ATAD3A: variants seen among roughly 807,000 people sequenced by gnomAD.
The protein encoded by ATAD3A is ATPase family AAA domain-containing protein 3A.
ATAD3A carries 46 observed loss-of-function variants against 73.8 expected under a neutral mutation model. That is an observed-to-expected ratio of 0.62 (90% CI 0.49 to 0.80). The LOEUF (loss-of-function observed/expected upper bound fraction) is 0.80. Ranked by LOEUF, ATAD3A falls within the 30% of genes least tolerant of loss-of-function variation. The probability of loss-of-function intolerance (pLI) is 0.00; values close to 1 mark genes in which losing one functional copy is unlikely to be tolerated. For synonymous variants in ATAD3A, 319 were observed against 350.0 expected, an observed-to-expected ratio of 0.91 and a Z score of 0.99; for missense variants, 705 against 838.0, an observed-to-expected ratio of 0.84 and a Z score of 1.96.
At chr1:1,525,328 T>TC in intron 12 of ATAD3A, 37 bp downstream of exon 12, 1 of 1,599,726 alleles carries the variant, frequency 6.3e-7, no homozygotes, top group East Asian at 2.3e-5. Flanking sequence ...AATGGGGTGG[T>TC]GGGGTGGGCA....
rs577888309 is a variant in ATAD3A, at chr1:1,520,748, G to A, written c.750+131G>A. On this transcript the variant is annotated intron_variant, in intron 7 of 15. Coordinates refer to ENST00000378756, the MANE Select transcript of ATAD3A (RefSeq NM_001170535.3). The surrounding 1 kb of genome is among the most constrained non-coding windows in gnomAD (Gnocchi z 4.0). ...CTCTCCCAGCAGGGAGGAAGCCCAC[G>A]TTGTACCTGCTGGCCTCGGCTTCTC... 9.1e-6 allele frequency: 13 copies of A among 1,425,498 alleles called. No homozygotes were observed. Among genetic ancestry groups the A allele is most frequent in the East Asian group, 2.4e-5 (1 of 41,636 alleles). 88.3% of individuals were successfully genotyped at this position (1,425,498 alleles called of 1,614,324 possible).
intron 7 of ATAD3A, among the ~76,000 whole-genome samples, chr1:1,521,232 G>A (rs1213093904): frequency 7.0e-6 from 1 of 143,526 alleles, no homozygotes; most frequent in Non-Finnish European, 1.5e-5. Flanking sequence ...CCGGGAGGCG[G>A]AGCTTGCAGT....
Position 1,534,381 on chromosome 1 carries a change from G to T in ATAD3A, c.*309G>T, listed in dbSNP as rs1353720480. On this transcript the variant is annotated 3_prime_UTR_variant, in exon 16 of 16. Transcript: ENST00000378756. ...CACCCCAGCCCCTGCCCAGGCCACT[G>T]TGAGGGTGGGTGCTGGCTGAGCCCC... The T allele has an allele frequency of 3.0e-6, 4 of 1,355,066 alleles. No individual in the cohort carries two copies. The East Asian group carries it at 1.1e-4, about 37-fold the overall frequency. 83.9% of individuals were successfully genotyped at this position (1,355,066 alleles called of 1,614,324 possible).
chr1:1,526,886 T>C (rs1428646621), intron 13 of ATAD3A, among the ~76,000 whole-genome samples: 1 of 152,128 alleles, frequency 6.6e-6, no homozygotes, highest in Non-Finnish European at 1.5e-5. Flanking sequence ...GGAGGGTGTG[T>C]GTGCCCTGGG....
rs774297843 is a variant in ATAD3A, at chr1:1,530,841, A to C, written c.1614+1510A>C. Among the ~76,000 whole-genome samples, 257 of 141,714 alleles carry C rather than the reference A, an allele frequency of 1.8e-3. 11 individuals are homozygous for C. The highest frequency in any genetic ancestry group is 2.9e-3 in the Non-Finnish European group (193 of 67,198). The allele number at this position is 141,714 out of a possible 152,430, so 93.0% of individuals were successfully genotyped here. On this transcript the variant is annotated intron_variant, in intron 15 of 15. Coordinates refer to ENST00000378756, the MANE Select transcript of ATAD3A (RefSeq NM_001170535.3). ...GAGACTCCGTCTCAAAAAAAAAAAAAAAAAAAAAAAAAAACTAAGAATAAT... is the reference window on the plus strand; with the variant it reads ...GAGACTCCGTCTCAAAAAAAAAAAACAAAAAAAAAAAAAACTAAGAATAAT...
chr1:1,523,321 G>C lies in ATAD3A; in HGVS notation c.907-190G>C, dbSNP rs1160558940. ...GAAAATAAAAGCCAATAAGGAACCG[G>C]AAAATGCCCCTAATCCCAGCAATAG... On this transcript the variant is annotated intron_variant, in intron 8 of 15. Coordinates refer to ENST00000378756, the MANE Select transcript of ATAD3A (RefSeq NM_001170535.3). The surrounding 1 kb of genome is among the most constrained non-coding windows in gnomAD (Gnocchi z 5.1). 6.6e-6 allele frequency among the ~76,000 whole-genome samples: 1 copy of C among 152,182 alleles called. No homozygotes were observed. Among genetic ancestry groups the C allele is most frequent in the Non-Finnish European group, 1.5e-5 (1 of 68,026 alleles).
At chr1:1,522,638 G>A (rs1365743943) in intron 7 of ATAD3A, 106 bp from the exon 8 acceptor site, 1 of 1,561,388 alleles carries the variant, frequency 6.4e-7, no homozygotes, top group Non-Finnish European at 8.7e-7. Context: ...ACGGCCCTGT[G>A]CTTCTCCCTC....
rs1195307040 is a variant in ATAD3A, at chr1:1,520,067, G to A, written c.515-74G>A. ...TGGCGTGGGCCGGTCCGTGGCGTGG[G>A]CCGGTCCACAGTGTGGGTGGAGGTG... is the stretch of plus-strand genomic sequence containing the variant. On this transcript the variant is annotated intron_variant, in intron 5 of 15. Transcript: ENST00000378756. This position sits in a 1 kb window ranked among gnomAD's most constrained non-coding sequence, Gnocchi z 4.0. The A allele has an allele frequency of 2.7e-5, 42 of 1,550,780 alleles. No individual in the cohort carries two copies. The highest frequency in any genetic ancestry group is 3.4e-5 in the Non-Finnish European group (39 of 1,147,830).
At position 1,523,917 on chromosome 1, in the gene ATAD3A, A is replaced by G; in HGVS notation, c.1042A>G (p.Ile348Val). The G allele has an allele frequency of 1.2e-6, 2 of 1,614,046 alleles. No individual in the cohort carries two copies. Among genetic ancestry groups the G allele is most frequent in the Non-Finnish European group, 1.7e-6 (2 of 1,179,996 alleles). The change falls in exon 10 of 16, where the codon ATC becomes GTC. Residue 348 changes from isoleucine to valine, a missense_variant. By Grantham distance (29) the Ile-to-Val change is conservative. Coordinates refer to ENST00000378756, the MANE Select transcript of ATAD3A (RefSeq NM_001170535.3). This position sits in a 1 kb window ranked among gnomAD's most constrained non-coding sequence, Gnocchi z 5.1. The part of the protein sequence containing the change: ...TKKNRSLYRN[I>V]LMYGPPGTGK... ...GAAGAACCGCAGCCTGTACAGGAAC[A>G]TCCTGATGTACGGGCCACCAGGCAC...
chr1:1,514,492 A>C (rs1641292728), intron 1 of ATAD3A, among the ~76,000 whole-genome samples: 2 of 152,180 alleles, frequency 1.3e-5, no homozygotes, highest in Non-Finnish European at 2.9e-5. Context: ...TCCCGGTCTC[A>C]TCTGTGCTCT....
chr1:1,531,606 T>C (rs1049964869), intron 15 of ATAD3A, among the ~76,000 whole-genome samples: 1 of 148,418 alleles, frequency 6.7e-6, no homozygotes, highest in African/African-American at 2.5e-5. Flanking sequence ...ACCCCATCTC[T>C]AATAAAAAAT....
At chr1:1,525,751 A>T (rs1468527314) in intron 12 of ATAD3A, among the ~76,000 whole-genome samples, 4 of 152,138 alleles carry the variant, frequency 2.6e-5, no homozygotes, top group Admixed American at 2.0e-4. Flanking sequence ...TCTGTCGCCC[A>T]GGCTGGAGTG....
chr1:1,528,716 T>A (rs1270507222), intron 14 of ATAD3A, among the ~76,000 whole-genome samples: 2 of 152,238 alleles, frequency 1.3e-5, no homozygotes, highest in East Asian at 3.8e-4. Context: ...AGTCCTTCTG[T>A]GCACCTGACC....
At chr1:1,529,365 G>C in intron 15 of ATAD3A, 34 bp downstream of exon 15, 1 of 1,528,528 alleles carries the variant, frequency 6.5e-7, no homozygotes, top group Non-Finnish European at 8.8e-7. Flanking sequence ...ACCCAGACGG[G>C]ACCCCAGCTG....
At chr1:1,533,273 G>C (rs1227621907) in intron 15 of ATAD3A, among the ~76,000 whole-genome samples, 1 of 152,064 alleles carries the variant, frequency 6.6e-6, no homozygotes, top group Non-Finnish European at 1.5e-5. Flanking sequence ...CCCTGACCCT[G>C]ACCCACGGGT....
At position 1,525,339 on chromosome 1, in the gene ATAD3A, C is replaced by T. The variant is rs752765711; in HGVS notation, c.1266+48C>T. On this transcript the variant is annotated intron_variant, in intron 12 of 15. Coordinates refer to ENST00000378756, the MANE Select transcript of ATAD3A (RefSeq NM_001170535.3). Reference sequence around the variant, plus strand: ...CCACAATGGGGTGGTGGGGTGGGCACAGCCGTCTGCCTGGGCCAGGCTGCA... The same window carrying T: ...CCACAATGGGGTGGTGGGGTGGGCATAGCCGTCTGCCTGGGCCAGGCTGCA... 2.5e-6 allele frequency: 4 copies of T among 1,610,006 alleles called. No homozygotes were observed. The South Asian group carries it at 4.4e-5, about 18-fold the overall frequency.
chr1:1,534,284 CCTTCCTGCCCCT>C lies in ATAD3A; in HGVS notation c.*214_*225del, dbSNP rs1467170392. On this transcript the variant is annotated 3_prime_UTR_variant, in exon 16 of 16. Transcript: ENST00000378756. ...GCACTGGCTAGGGAGGGGCAGGCCT[CCTTCCTGCCCCT>C]CGAGACACTCTTGGGAGATGCATTT... The C allele has an allele frequency of 4.8e-6, 7 of 1,446,100 alleles. No homozygotes were observed. In the Admixed American group the frequency reaches 1.1e-4, roughly 23 times the overall value. 89.6% of individuals were successfully genotyped at this position (1,446,100 alleles called of 1,614,324 possible).
intron 4 of ATAD3A, among the ~76,000 whole-genome samples, chr1:1,518,610 C>A (rs191127938): frequency 8.4e-6 from 1 of 119,208 alleles, no homozygotes; most frequent in African/African-American, 4.0e-5. Context: ...CACCCACACA[C>A]GGGCGTACAC....
intron 4 of ATAD3A, among the ~76,000 whole-genome samples, chr1:1,518,644 A>ACCCCCC (rs1167798334): frequency 6.0e-5 from 1 of 16,562 alleles, no homozygotes; most frequent in South Asian, 3.3e-3. Context: ...GGCACGCACA[A>ACCCCCC]CCCCCCCACC....
Sources: allele counts gnomAD v4.1 joint callset (sites outside exome capture counted in the v4.1 genomes callset), GRCh38; gene constraint gnomAD v4.1.1; non-coding constraint Gnocchi (gnomAD v3.1); transcripts MANE v1.5; gene names NCBI Gene and HGNC (gene_info 2026-07-23, HGNC 2026-07-21).